The following LRIG1 variants were observed in gnomAD, a reference collection of about 807,000 sequenced individuals.
LRIG1 encodes leucine-rich repeats and immunoglobulin-like domains protein 1.
Under a neutral mutation model 99.2 loss-of-function variants are expected in LRIG1, and 48 were observed. The observed-to-expected ratio is 0.48, with a 90% confidence interval of 0.38 to 0.62. The LOEUF is 0.62. Ranked by LOEUF, LRIG1 falls within the 20% of genes least tolerant of loss-of-function variation. The pLI, the probability that LRIG1 is intolerant of heterozygous loss-of-function variation, is 0.00. For missense variants in LRIG1, 1,646 were observed against 1,434.4 expected (o/e 1.15, Z -2.38); for synonymous variants, 772 against 596.1 (o/e 1.29, Z -4.30).
intron 3 of LRIG1, among the ~76,000 whole-genome samples, chr3:66,442,926 G>A (rs1703590876): frequency 6.6e-6 from 1 of 151,968 alleles, no homozygotes. Flanking sequence ...ACTTGCAGAT[G>A]TACCTCTCAT....
At position 66,386,018 on chromosome 3, in the gene LRIG1, G is replaced by T. The variant is rs1701354460; in HGVS notation, c.1752C>A (p.Gly584=). Residue 584 remains glycine (G), a synonymous_variant, in exon 13 of 19, where the codon GGC becomes GGA. Transcript: ENST00000273261. ...GCCTGGCCTTATGTGAATAGGTGGAGCCAAAGTGGTTGGTGATGACACATT... is the reference window on the plus strand; with the variant it reads ...GCCTGGCCTTATGTGAATAGGTGGATCCAAAGTGGTTGGTGATGACACATT... ...RYQCVITNHF[G]STYSHKARLT... 6.2e-7 allele frequency: 1 copy of T among 1,614,070 alleles called. No individual in the cohort carries two copies. The highest frequency in any genetic ancestry group is 1.1e-5 in the South Asian group (1 of 91,086).
chr3:66,494,210 A>G (rs190519402), intron 1 of LRIG1, among the ~76,000 whole-genome samples: 2 of 152,364 alleles, frequency 1.3e-5, no homozygotes. Context: ...TATAAGATAG[A>G]GCATTTTTCT....
At chr3:66,468,916 C>T (rs1438050357) in intron 1 of LRIG1, 2 of 152,176 alleles carry the variant, frequency 1.3e-5, no homozygotes, top group Admixed American at 1.3e-4. Flanking sequence ...ACATTATGTT[C>T]CCATGTTGTA....
intron 8 of LRIG1, chr3:66,406,465 C>T: frequency 3.1e-6 from 3 of 974,556 alleles, no homozygotes; most frequent in South Asian, 9.5e-5. Flanking sequence ...CGGCCTCTTT[C>T]ACACTCCCTG....
chr3:66,462,020 A>C (rs13092294), intron 2 of LRIG1, among the ~76,000 whole-genome samples: 122,108 of 152,094 alleles, frequency 0.8, 52,453 homozygotes, highest in Non-Finnish European at 0.97. Context: ...CAAGGCGCGC[A>C]GATCACATGA....
At chr3:66,475,147 C>T (rs1178524004) in intron 1 of LRIG1, among the ~76,000 whole-genome samples, 1 of 152,176 alleles carries the variant, frequency 6.6e-6, no homozygotes, top group Non-Finnish European at 1.5e-5. Flanking sequence ...CTAACACTTG[C>T]TATATAACGA....
intron 3 of LRIG1, among the ~76,000 whole-genome samples, chr3:66,432,225 C>T (rs1703195866): frequency 6.6e-6 from 1 of 152,186 alleles, no homozygotes; most frequent in Admixed American, 6.5e-5. Flanking sequence ...GCCCCCGACA[C>T]TCTCATGGCA....
At chr3:66,386,393 C>G (rs1701376730) in intron 12 of LRIG1, 92 bp from the exon 13 acceptor site, 5 of 1,101,816 alleles carry the variant, frequency 4.5e-6, no homozygotes, top group Non-Finnish European at 6.7e-6. Flanking sequence ...GACACAGACA[C>G]CAAGCAGGAA....
At chr3:66,471,241 G>A (rs1213611895) in intron 1 of LRIG1, among the ~76,000 whole-genome samples, 1 of 152,180 alleles carries the variant, frequency 6.6e-6, no homozygotes, top group African/African-American at 2.4e-5. Context: ...GGGAAGAGAT[G>A]GGTCAGAAGT....
chr3:66,404,309 T>TCC (rs992219054), intron 9 of LRIG1: 10 of 1,288,624 alleles, frequency 7.8e-6, no homozygotes, highest in Non-Finnish European at 9.1e-6. Flanking sequence ...TCTGCTGAGC[T>TCC]CCCCGTCACT....
At chr3:66,485,741 A>C (rs762743536) in intron 1 of LRIG1, among the ~76,000 whole-genome samples, 1 of 152,214 alleles carries the variant, frequency 6.6e-6, no homozygotes, top group Non-Finnish European at 1.5e-5. Context: ...CAGATGGCAA[A>C]ACATATGTGC....
chr3:66,394,420 T>G (rs1451577173), intron 11 of LRIG1, among the ~76,000 whole-genome samples: 1 of 152,166 alleles, frequency 6.6e-6, no homozygotes, highest in Non-Finnish European at 1.5e-5. Context: ...GCTGATTGGG[T>G]GGGTCAGGAG....
At position 66,382,924 on chromosome 3, in the gene LRIG1, C is replaced by G. The variant is rs1016471212; in HGVS notation, c.2491+58G>C. 36 of 1,509,022 alleles carry G rather than the reference C, an allele frequency of 2.4e-5. 1 individual carries two copies. In the Middle Eastern group the frequency reaches 1.2e-3, roughly 52 times the overall value. 93.5% of individuals were successfully genotyped at this position (1,509,022 alleles called of 1,614,324 possible). The stretch of plus-strand genomic sequence containing the variant: ...AAGCCACTGGAACCCGGCCCAGTTC[C>G]CCAGCATCACTGCCATTCCTCCCTC... On this transcript the variant is annotated intron_variant, in intron 15 of 18. Transcript: ENST00000273261.
intron 15 of LRIG1, 21 bp downstream of exon 15, chr3:66,382,961 G>T (rs748103869): frequency 1.3e-5 from 20 of 1,575,598 alleles, no homozygotes; most frequent in Non-Finnish European, 1.6e-5. Flanking sequence ...TTGAAAGTCA[G>T]CTCCGCTGGC....
chr3:66,500,410 T>G lies in LRIG1; in HGVS notation c.-3A>C. On this transcript the variant is annotated 5_prime_UTR_variant, in exon 1 of 19. Coordinates refer to ENST00000273261, the MANE Select transcript of LRIG1 (RefSeq NM_015541.3). ...CCTCCCCGGACCGGCCGCGCCATCT[T>G]GTCTGGAGCGCGCTGCGAACTCCGG... 1 of 1,387,566 alleles carries G rather than the reference T, an allele frequency of 7.2e-7. No homozygotes were observed. The highest frequency in any genetic ancestry group is 9.3e-7 in the Non-Finnish European group (1 of 1,078,856). The allele number at this position is 1,387,566 out of a possible 1,614,324, so 86.0% of individuals were successfully genotyped here. A position where few individuals can be genotyped will look rare whatever the true frequency, so the allele number is the denominator to read the frequency against.
chr3:66,398,707 C>T (rs1034205631), intron 10 of LRIG1, among the ~76,000 whole-genome samples: 3 of 152,174 alleles, frequency 2.0e-5, no homozygotes, highest in Non-Finnish European at 4.4e-5. Flanking sequence ...GGTTAGGCTG[C>T]GCAGCAGGAG....
At chr3:66,429,531 A>C (rs1703087570) in intron 3 of LRIG1, among the ~76,000 whole-genome samples, 2 of 152,246 alleles carry the variant, frequency 1.3e-5, no homozygotes, top group Admixed American at 1.3e-4. Flanking sequence ...AAAACTATGG[A>C]GACAGTAACA....
At chr3:66,405,364 G>A in intron 8 of LRIG1, 86 bp from the exon 9 acceptor site, 1 of 1,094,466 alleles carries the variant, frequency 9.1e-7, no homozygotes, top group Non-Finnish European at 1.4e-6. Context: ...CTCGGAAGCT[G>A]AAGTCCCCTG....
Position 66,442,445 on chromosome 3 carries a change from A to AGGG in LRIG1, c.365+9111_365+9113dup, listed in dbSNP as rs1315556528. On this transcript the variant is annotated intron_variant, in intron 3 of 18. Coordinates refer to ENST00000273261, the MANE Select transcript of LRIG1 (RefSeq NM_015541.3). ...CAGAAGCCACCTGCAGGAAGTGAGG[A>AGGG]GGGGGAGGAGGAGGAGGAGGAGGAG... Among the ~76,000 whole-genome samples the AGGG allele has an allele frequency of 3.3e-5, 5 of 151,486 alleles. No individual in the cohort carries two copies. The East Asian group carries it at 5.8e-4, about 18-fold the overall frequency.
Sources: allele counts gnomAD v4.1 joint callset (sites outside exome capture counted in the v4.1 genomes callset), GRCh38; gene constraint gnomAD v4.1.1; transcripts MANE v1.5; gene names NCBI Gene and HGNC (gene_info 2026-07-23, HGNC 2026-07-21).